The following MRNIP variants were observed in gnomAD, a reference collection of about 807,000 sequenced individuals.
MRNIP encodes MRN complex-interacting protein.
MRNIP carries 30 observed loss-of-function variants against 29.8 expected under a neutral mutation model. The observed-to-expected ratio is 1.01, with a 90% CI of 0.75 to 1.36. The LOEUF is 1.36. Among genes scored for constraint, MRNIP ranks in the 40% most tolerant of loss-of-function variants. MRNIP has a pLI of 0.00. For synonymous variants in MRNIP, 201 were observed against 164.1 expected (o/e 1.23, Z -1.72); for missense variants, 459 against 423.5 (o/e 1.08, Z -0.74).
chr5:179,849,940 G>A (rs1198441725), intron 2 of MRNIP, among the ~76,000 whole-genome samples: 4 of 151,018 alleles, frequency 2.6e-5, no homozygotes, highest in African/African-American at 9.7e-5. Flanking sequence ...CGCACAGGCA[G>A]ATGGTACGGG....
rs1426902219 is a variant in MRNIP, at chr5:179,837,283, C to CAGTA, written c.*104_*107dup. ...CGTTTGCATAGAGAGAAATGATTGACAGTAAGTTTATTGTTAATGGTTCTT... is the reference window on the plus strand; with the variant it reads ...CGTTTGCATAGAGAGAAATGATTGACAGTAAGTAAGTTTATTGTTAATGGTTCTT... On this transcript the variant is annotated 3_prime_UTR_variant, in exon 7 of 7. Transcript: ENST00000292586. 1.2e-5 allele frequency: 19 copies of CAGTA among 1,607,206 alleles called. No individual in the cohort carries two copies. In the African/African-American group the frequency reaches 2.1e-4, roughly 18 times the overall value.
rs1436678583 is a variant in MRNIP at position 179,837,946 on chromosome 5, C to T, written c.538-61G>A. Reference sequence around the variant, plus strand: ...GAACAATGCCAGGGCCCAGGAGGACCGCCTGCCCTGCCTGGGCCTTGGCTG... The same window carrying T: ...GAACAATGCCAGGGCCCAGGAGGACTGCCTGCCCTGCCTGGGCCTTGGCTG... On this transcript the variant is annotated intron_variant, in intron 6 of 6. Transcript: ENST00000292586. 101 of 1,520,184 alleles carry T rather than the reference C, an allele frequency of 6.6e-5. No homozygotes were observed. Among genetic ancestry groups the T allele is most frequent in the Admixed American group, 3.6e-4 (20 of 55,130 alleles). 94.2% of individuals were successfully genotyped at this position (1,520,184 alleles called of 1,614,324 possible).
intron 2 of MRNIP, chr5:179,851,471 T>C: frequency 2.2e-6 from 1 of 451,320 alleles, no homozygotes. Flanking sequence ...AGAGTAAAGA[T>C]ATAGGGAGAA....
chr5:179,848,358 T>G (rs557214688), intron 2 of MRNIP, among the ~76,000 whole-genome samples: 1 of 148,130 alleles, frequency 6.8e-6, no homozygotes, highest in Non-Finnish European at 1.5e-5. Context: ...TTAGTGCACA[T>G]GAGTAAAAAG....
At chr5:179,853,206 T>C (rs1338179038) in intron 2 of MRNIP, 172 bp downstream of exon 2, 3 of 1,531,830 alleles carry the variant, frequency 2.0e-6, no homozygotes, top group Non-Finnish European at 2.6e-6. Context: ...CCTTTCCAGA[T>C]TCTGCTCCAT....
At chr5:179,840,395 G>A (rs6896817) in intron 6 of MRNIP, 72,336 of 168,640 alleles carry the variant, frequency 0.43, 17,081 homozygotes, top group East Asian at 0.78. Context: ...GGTAGACAGA[G>A]TGAGACCCTG....
At chr5:179,852,303 C>A (rs1263962238) in intron 2 of MRNIP, among the ~76,000 whole-genome samples, 1 of 151,638 alleles carries the variant, frequency 6.6e-6, no homozygotes, top group Non-Finnish European at 1.5e-5. Context: ...AAAAAAACCC[C>A]AAAAAACAGC....
At chr5:179,853,879 A>C (rs1759477730) in intron 1 of MRNIP, among the ~76,000 whole-genome samples, 2 of 151,684 alleles carry the variant, frequency 1.3e-5, no homozygotes, top group Non-Finnish European at 2.9e-5. Flanking sequence ...CGCCCAGCTA[A>C]TTTTTGTATT....
chr5:179,851,926 G>A (rs558204266), intron 2 of MRNIP, among the ~76,000 whole-genome samples: 247 of 149,646 alleles, frequency 1.7e-3, no homozygotes, highest in African/African-American at 6.1e-3. Flanking sequence ...TGCAGTGAGC[G>A]AGATCGCACC....
chr5:179,853,126 G>T, intron 2 of MRNIP: 1 of 1,042,362 alleles, frequency 9.6e-7, no homozygotes, highest in Non-Finnish European at 1.4e-6. Context: ...ACTTTCCACT[G>T]TTCCCCTTGT....
Position 179,840,916 on chromosome 5 carries a change from C to T in MRNIP, c.493G>A (p.Val165Met), listed in dbSNP as rs116981436. ...ACCTCAGAGCCACCCGAGTCCTGCA[C>T]GCCACGGCTGCACGGAGGCTGGACG... ...STVQPPCSRG[V>M]QDSGGSEVAW... Residue 165 changes from valine (V) to methionine (M), a missense_variant, in exon 6 of 7, where the codon GTG (valine) becomes ATG (methionine). Transcript: ENST00000292586. 2.6e-5 allele frequency: 42 copies of T among 1,610,272 alleles called. No individual in the cohort carries two copies. The highest frequency in any genetic ancestry group is 1.5e-4 in the African/African-American group (11 of 75,016).
At chr5:179,846,072 C>T (rs1406662521) in intron 3 of MRNIP, 1 of 152,156 alleles carries the variant, frequency 6.6e-6, no homozygotes, top group African/African-American at 2.4e-5. Context: ...CTCTCAAATA[C>T]ACCTATTTTT....
chr5:179,853,632 C>T (rs1759463031), intron 1 of MRNIP, among the ~76,000 whole-genome samples, 195 bp from the exon 2 acceptor site: 1 of 151,954 alleles, frequency 6.6e-6, no homozygotes, highest in Admixed American at 6.5e-5. Context: ...ATTAGCCAGG[C>T]ATGGTGGCGG....
At chr5:179,841,623 C>T in intron 5 of MRNIP, 1 of 388,528 alleles carries the variant, frequency 2.6e-6, no homozygotes, top group Non-Finnish European at 4.6e-6. Context: ...ACTCCGACCT[C>T]TCCCCTGGGG....
intron 3 of MRNIP, among the ~76,000 whole-genome samples, chr5:179,845,207 C>CT (rs575096592): frequency 3.2e-3 from 441 of 136,512 alleles, no homozygotes; most frequent in Non-Finnish European, 4.3e-3. Flanking sequence ...TTAATTTCTT[C>CT]TTTTTTTTTT....
chr5:179,853,987 C>T (rs907121880), intron 1 of MRNIP, among the ~76,000 whole-genome samples: 4 of 151,132 alleles, frequency 2.6e-5, no homozygotes, highest in African/African-American at 9.8e-5. Flanking sequence ...GCTGGGATTA[C>T]AGGTGTGAGC....
At chr5:179,842,612 A>G (rs1440049659) in intron 4 of MRNIP, among the ~76,000 whole-genome samples, 2 of 138,740 alleles carry the variant, frequency 1.4e-5, no homozygotes, top group Admixed American at 7.8e-5. Context: ...AGGCAGGAGA[A>G]TGGTGTGAAC....
chr5:179,853,645 A>G (rs1472806437), intron 1 of MRNIP, among the ~76,000 whole-genome samples: 1 of 151,812 alleles, frequency 6.6e-6, no homozygotes, highest in Non-Finnish European at 1.5e-5. Context: ...GGTGGCGGGC[A>G]CCTGTAATCC....
intron 1 of MRNIP, among the ~76,000 whole-genome samples, chr5:179,854,264 C>A (rs1237233517): frequency 6.6e-6 from 1 of 152,150 alleles, no homozygotes; most frequent in African/African-American, 2.4e-5. Context: ...TGGTGATCCA[C>A]CCGCCTCGGC....
Sources: allele counts gnomAD v4.1 joint callset (sites outside exome capture counted in the v4.1 genomes callset), GRCh38; gene constraint gnomAD v4.1.1; transcripts MANE v1.5; gene names NCBI Gene and HGNC (gene_info 2026-07-23, HGNC 2026-07-21).